AUTS2: variants seen among roughly 807,000 people sequenced by gnomAD.
AUTS2 encodes the protein autism susceptibility gene 2 protein.
In AUTS2, 17 loss-of-function variants were observed where a neutral mutation model predicts 112.4. The observed-to-expected ratio is 0.15, with a 90% CI of 0.10 to 0.23. The LOEUF (loss-of-function observed/expected upper bound fraction) is 0.23, where lower values mean the gene tolerates loss of function less well. Among genes scored for constraint, AUTS2 ranks in the 10% least tolerant of loss-of-function variants. AUTS2 has a pLI of 1.00. For missense variants in AUTS2, 1,510 were observed against 1,701.6 expected, an observed-to-expected ratio of 0.89 and a Z score of 1.98; for synonymous variants, 751 against 702.7, an observed-to-expected ratio of 1.07 and a Z score of -1.09.
chr7:70,713,785 A>G (rs1020539505), intron 6 of AUTS2, among the ~76,000 whole-genome samples: 2 of 152,060 alleles, frequency 1.3e-5, no homozygotes, highest in Admixed American at 6.6e-5. Flanking sequence ...AGTCCCAGCT[A>G]CTCAGGAGGC....
At chr7:70,653,489 C>G (rs1446407570) in intron 5 of AUTS2, among the ~76,000 whole-genome samples, 1 of 152,164 alleles carries the variant, frequency 6.6e-6, no homozygotes, top group African/African-American at 2.4e-5. Flanking sequence ...AATCCTATAC[C>G]TCTCTGAGAT....
Position 70,562,406 on chromosome 7 carries a change from A to G in AUTS2, c.690+126625A>G, listed in dbSNP as rs143244608. 1.5e-4 allele frequency among the ~76,000 whole-genome samples: 23 copies of G among 152,376 alleles called. No individual in the cohort carries two copies. The East Asian group carries it at 4.2e-3, about 28-fold the overall frequency. Reference sequence around the variant, plus strand: ...GACAACTAACAATGTCTGCTACAGCAGTACAACCCGTTACTCCTACTGAAA... The same window carrying G: ...GACAACTAACAATGTCTGCTACAGCGGTACAACCCGTTACTCCTACTGAAA... On this transcript the variant is annotated intron_variant, in intron 5 of 18. Coordinates refer to ENST00000342771, the MANE Select transcript of AUTS2 (RefSeq NM_015570.4).
chr7:70,165,065 T>A (rs112943755), intron 4 of AUTS2, among the ~76,000 whole-genome samples: 1 of 152,050 alleles, frequency 6.6e-6, no homozygotes, highest in East Asian at 1.9e-4. Flanking sequence ...AAACACAATA[T>A]CATATATGAA....
rs3220664 is a variant in AUTS2, at chr7:69,886,763, TTGTGTGTGTGTGTGTGTGTG to T, written c.310-12495_310-12476del. On this transcript the variant is annotated intron_variant, in intron 1 of 18. Transcript: ENST00000342771. ...GCCTGTTAATGCAGATTTGACTTCT[TTGTGTGTGTGTGTGTGTGTG>T]TGTGTGTGTGTGTGTGTGTGTGTGT... Among the ~76,000 whole-genome samples the T allele has an allele frequency of 2.6e-3, 339 of 129,868 alleles. 1 individual carries two copies. Among genetic ancestry groups the T allele is most frequent in the East Asian group, 0.013 (55 of 4,362 alleles). The allele number at this position is 129,868 out of a possible 152,430, so 85.2% of individuals were successfully genotyped here.
chr7:70,562,455 A>G (rs1801530069), intron 5 of AUTS2, among the ~76,000 whole-genome samples: 1 of 152,234 alleles, frequency 6.6e-6, no homozygotes, highest in Admixed American at 6.5e-5. Context: ...GTGGAATAGT[A>G]GCTTATGTCA....
intron 1 of AUTS2, among the ~76,000 whole-genome samples, chr7:69,868,709 AT>A (rs1442506591): frequency 2.6e-5 from 4 of 152,198 alleles, no homozygotes; most frequent in African/African-American, 9.7e-5. Context: ...TTGTCTCCTC[AT>A]TTTATAAGAG....
intron 1 of AUTS2, among the ~76,000 whole-genome samples, chr7:69,674,783 G>C (rs1796482979): frequency 6.6e-6 from 1 of 152,146 alleles, no homozygotes; most frequent in African/African-American, 2.4e-5. Context: ...GGTGTGGCCT[G>C]TGTGCTTTGA....
chr7:70,790,156 C>G lies in AUTS2; in HGVS notation c.2940C>G (p.Val980=). 6.2e-7 allele frequency: 1 copy of G among 1,611,804 alleles called. No individual in the cohort carries two copies. Among genetic ancestry groups the G allele is most frequent in the Admixed American group, 1.7e-5 (1 of 59,918 alleles). ...AGAACCCCAAGAAGAGCTCCGAGGT[C>G]AAGGTGAAGGAGGAGCGGAAGGAAG... The part of the protein sequence containing the change: ...AYENPKKSSE[V]KVKEERKEDH... Residue 980 remains valine (V), a synonymous_variant, in exon 19 of 19, where the codon GTC becomes GTG. Transcript: ENST00000342771. This position sits in a 1 kb window ranked among gnomAD's most constrained non-coding sequence, Gnocchi z 7.6.
At chr7:70,597,540 G>GGAACTAATC (rs1305528969) in intron 5 of AUTS2, among the ~76,000 whole-genome samples, 27 of 152,308 alleles carry the variant, frequency 1.8e-4, no homozygotes, top group Non-Finnish European at 2.9e-4. Context: ...GAGTATGTAG[G>GGAACTAATC]TGTGCAATTT....
Position 69,630,714 on chromosome 7 carries a change from G to C in AUTS2, c.309+30752G>C, listed in dbSNP as rs1037614771. On this transcript the variant is annotated intron_variant, in intron 1 of 18. Transcript: ENST00000342771. ...AAAAACTTTAAAGTTTTCTTCCACT[G>C]AGTTAAACTATATTAGTTTTCCTAA... Among the ~76,000 whole-genome samples, 50 of 152,084 alleles carry C rather than the reference G, an allele frequency of 3.3e-4. 1 individual carries two copies. The highest frequency in any genetic ancestry group is 1.6e-3 in the Admixed American group (24 of 15,272).
intron 5 of AUTS2, among the ~76,000 whole-genome samples, chr7:70,597,389 AC>A (rs1803260508): frequency 6.6e-6 from 1 of 152,176 alleles, no homozygotes; most frequent in South Asian, 2.1e-4. Flanking sequence ...CAAGAGTGAA[AC>A]GAGTGGGTCA....
chr7:70,562,716 C>T (rs1041707252), intron 5 of AUTS2, among the ~76,000 whole-genome samples: 3 of 152,112 alleles, frequency 2.0e-5, no homozygotes, highest in African/African-American at 7.2e-5. Flanking sequence ...TCGGTGTTTG[C>T]TGAACAAATG....
intron 5 of AUTS2, among the ~76,000 whole-genome samples, chr7:70,670,749 T>C (rs1200548896): frequency 6.6e-6 from 1 of 152,128 alleles, no homozygotes; most frequent in African/African-American, 2.4e-5. Flanking sequence ...TAAACAACCC[T>C]CATCCCCTTA....
intron 4 of AUTS2, among the ~76,000 whole-genome samples, chr7:70,391,120 C>G (rs1039665911): frequency 2.0e-5 from 3 of 152,212 alleles, no homozygotes; most frequent in Non-Finnish European, 4.4e-5. Flanking sequence ...ATCTGAATCT[C>G]TGGGGGTGAG....
At chr7:70,166,741 T>C (rs1250281847) in intron 4 of AUTS2, among the ~76,000 whole-genome samples, 2 of 152,136 alleles carry the variant, frequency 1.3e-5, no homozygotes, top group Non-Finnish European at 2.9e-5. Flanking sequence ...TTTTAAAGTA[T>C]AATAGTACAT....
In AUTS2 at chr7:69,640,687, A is replaced by G. The variant is rs191921841; in HGVS notation, c.309+40725A>G. Among the ~76,000 whole-genome samples the G allele has an allele frequency of 6.6e-5, 10 of 152,306 alleles. No homozygotes were observed. In the East Asian group the frequency reaches 1.9e-3, roughly 29 times the overall value. ...TTCAAATATTTTGGTTTAACCCAGCATTTTTGAAATTCATTTGACCTCAGA... is the reference window on the plus strand; with the variant it reads ...TTCAAATATTTTGGTTTAACCCAGCGTTTTTGAAATTCATTTGACCTCAGA... On this transcript the variant is annotated intron_variant, in intron 1 of 18. Coordinates refer to ENST00000342771, the MANE Select transcript of AUTS2 (RefSeq NM_015570.4).
chr7:70,119,819 C>G (rs139284708), intron 3 of AUTS2: 85 of 152,174 alleles, frequency 5.6e-4, no homozygotes, highest in African/African-American at 2.0e-3. Flanking sequence ...TAATAAGAAG[C>G]AAAATCTTTT....
chr7:69,968,036 T>C (rs1477612198), intron 2 of AUTS2, among the ~76,000 whole-genome samples: 1 of 152,198 alleles, frequency 6.6e-6, no homozygotes, highest in Non-Finnish European at 1.5e-5. Flanking sequence ...TCCGGAGGCA[T>C]GATTTAGAGT....
chr7:69,993,737 CTCTCTG>C (rs368022499), intron 2 of AUTS2, among the ~76,000 whole-genome samples: 20 of 152,154 alleles, frequency 1.3e-4, no homozygotes, highest in East Asian at 1.9e-4. Context: ...GTCTTCCTGT[CTCTCTG>C]TCTCTGTCTC....
Sources: gnomAD v4.1 joint callset for allele counts (sites outside exome capture counted in the v4.1 genomes callset) on GRCh38, gnomAD v4.1.1 for gene constraint, Gnocchi (gnomAD v3.1) non-coding constraint, MANE v1.5 for transcripts, NCBI Gene and HGNC (gene_info 2026-07-23, HGNC 2026-07-21) for gene names.